SECTM1: variants seen among roughly 807,000 people sequenced by gnomAD.
The protein encoded by SECTM1 is secreted and transmembrane protein 1.
In SECTM1, 10 loss-of-function variants were observed where a neutral mutation model predicts 18.1. The ratio of observed to expected loss-of-function variants is 0.55; its 90% CI spans 0.34 to 0.94. SECTM1 has a LOEUF of 0.94. Ranked by LOEUF, SECTM1 falls within the 40% of genes least tolerant of loss-of-function variation. SECTM1 has a pLI of 0.02. For missense variants in SECTM1, 297 were observed against 322.6 expected (o/e 0.92, Z 0.61); for synonymous variants, 137 against 139.2 (o/e 0.98, Z 0.11).
chr17:82,326,348 C>G lies in SECTM1; in HGVS notation c.94+799G>C, dbSNP rs1482877834. On this transcript the variant is annotated intron_variant, in intron 2 of 4. Coordinates refer to ENST00000269389, the MANE Select transcript of SECTM1 (RefSeq NM_003004.3). This position sits in a 1 kb window ranked among gnomAD's most constrained non-coding sequence, Gnocchi z 4.3. Reference sequence around the variant, plus strand: ...GGCTCAGTGGCTCACGCCTGTAATCCCAGCACTTTGGGAGGCCGAGGTGGG... The same window carrying G: ...GGCTCAGTGGCTCACGCCTGTAATCGCAGCACTTTGGGAGGCCGAGGTGGG... Among the ~76,000 whole-genome samples, 1 of 152,094 alleles carries G rather than the reference C, an allele frequency of 6.6e-6. No individual in the cohort carries two copies. Among genetic ancestry groups the G allele is most frequent in the Non-Finnish European group, 1.5e-5 (1 of 68,022 alleles).
At chr17:82,327,363 C>A in intron 1 of SECTM1, 71 bp from the exon 2 acceptor site, 1 of 883,574 alleles carries the variant, frequency 1.1e-6, no homozygotes, top group African/African-American at 1.7e-5. Flanking sequence ...GCGGCTGTCA[C>A]CTGGCGGGGG....
chr17:82,324,733 G>A lies in SECTM1; in HGVS notation c.252C>T (p.Gly84=), dbSNP rs1281122727. 6.2e-7 allele frequency: 1 copy of A among 1,614,172 alleles called. No homozygotes were observed. The highest frequency in any genetic ancestry group is 8.5e-7 in the Non-Finnish European group (1 of 1,180,032). ...GCTGCCAGCCGTCCCGGGAGAAGTA[G>A]CCTGGAGCCACCTCATTGAAGATGG... is the stretch of plus-strand genomic sequence containing the variant. ...ESAIFNEVAP[G]YFSRDGWQLQ... Residue 84 remains glycine, a synonymous_variant, in exon 3 of 5, where the codon GGC becomes GGT. Transcript: ENST00000269389.
At chr17:82,323,226 G>C in intron 3 of SECTM1, 2 of 578,228 alleles carry the variant, frequency 3.5e-6, no homozygotes, top group Non-Finnish European at 6.1e-6. Flanking sequence ...CCAGAGCGCA[G>C]GTGTGTCGGG....
chr17:82,333,521 C>T (rs765676566), intron 1 of SECTM1, among the ~76,000 whole-genome samples, 179 bp downstream of exon 1: 3 of 152,102 alleles, frequency 2.0e-5, no homozygotes, highest in Admixed American at 6.5e-5. Context: ...CCAGAGTCCC[C>T]ATCCCTGCGC....
chr17:82,333,186 G>C (rs2052205754), intron 1 of SECTM1, among the ~76,000 whole-genome samples: 1 of 152,252 alleles, frequency 6.6e-6, no homozygotes, highest in Non-Finnish European at 1.5e-5. Context: ...CCACCAGCTT[G>C]TGTGCACGCA....
intron 1 of SECTM1, among the ~76,000 whole-genome samples, chr17:82,333,332 C>T (rs2052207369): frequency 6.6e-6 from 1 of 152,180 alleles, no homozygotes. Flanking sequence ...GAGACGCCGC[C>T]TCTGTCCCTT....
In SECTM1 at chr17:82,327,274, C is replaced by A; in HGVS notation, c.-34G>T. The A allele has an allele frequency of 6.4e-7, 1 of 1,557,188 alleles. No individual in the cohort carries two copies. The highest frequency in any genetic ancestry group is 2.3e-5 in the East Asian group (1 of 43,014). Reference sequence around the variant, plus strand: ...GGACTTGGGCCCCTGGTCCTTGTCACTGGCTCTTGAAACACTCCCTGGAGG... The same window carrying A: ...GGACTTGGGCCCCTGGTCCTTGTCAATGGCTCTTGAAACACTCCCTGGAGG... On this transcript the variant is annotated 5_prime_UTR_variant, in exon 2 of 5. Transcript: ENST00000269389.
Position 82,321,395 on chromosome 17 carries a change from C to T in SECTM1, c.*766G>A, listed in dbSNP as rs1599650827. 1 of 152,288 alleles carries T rather than the reference C, an allele frequency of 6.6e-6. No individual in the cohort carries two copies. The highest frequency in any genetic ancestry group is 2.4e-5 in the African/African-American group (1 of 41,468). 9.4% of individuals were successfully genotyped at this position (152,288 alleles called of 1,614,324 possible). ...GGGGATTCCCGGTGATTTTTCCACC[C>T]CATACAGATGAAGACATCAAAGGGC... On this transcript the variant is annotated 3_prime_UTR_variant, in exon 5 of 5. Transcript: ENST00000269389.
In SECTM1 at chr17:82,321,077, C is replaced by G. The variant is rs2052082582; in HGVS notation, c.*1084G>C. The G allele has an allele frequency of 6.6e-6, 1 of 152,126 alleles. No individual in the cohort carries two copies. Among genetic ancestry groups the G allele is most frequent in the Admixed American group, 6.5e-5 (1 of 15,276 alleles). 9.4% of individuals were successfully genotyped at this position (152,126 alleles called of 1,614,324 possible). A position where few individuals can be genotyped will look rare whatever the true frequency, so the allele number is the denominator to read the frequency against. On this transcript the variant is annotated 3_prime_UTR_variant, in exon 5 of 5. Coordinates refer to ENST00000269389, the MANE Select transcript of SECTM1 (RefSeq NM_003004.3). The stretch of plus-strand genomic sequence containing the variant: ...TTTTAACCCGAGACACAAACGCGCC[C>G]CTCTTGGACCCTGGCTCCGGCCCGA...
At chr17:82,324,534 TG>T in intron 3 of SECTM1, 47 bp downstream of exon 3, 2 of 171,008 alleles carry the variant, frequency 1.2e-5, no homozygotes, top group South Asian at 7.8e-5. Context: ...CCCCTCCCCG[TG>T]TCCCCTCTCA....
upstream of SECTM1, chr17:82,333,919 C>A (rs2052214805): frequency 6.6e-6 from 1 of 152,282 alleles, no homozygotes; most frequent in Admixed American, 6.5e-5. Context: ...ATTATTTTCA[C>A]GGGAGGCACC....
At position 82,322,956 on chromosome 17, in the gene SECTM1, G is replaced by C; in HGVS notation, c.459C>G (p.Val153=). Residue 153 remains valine (V), a synonymous_variant, in exon 4 of 5, where the codon GTC becomes GTG. Transcript: ENST00000269389. ...CGACCAAGAGGATGAAGACAGCAGT[G>C]ACCACCGCTGGCACAGGCCAGAACC... ...DTGFWPVPAV[V]TAVFILLVAL... is the part of the protein sequence containing the mutation. The C allele has an allele frequency of 6.2e-7, 1 of 1,613,906 alleles. No homozygotes were observed. The highest frequency in any genetic ancestry group is 8.5e-7 in the Non-Finnish European group (1 of 1,179,966).
At position 82,330,431 on chromosome 17, in the gene SECTM1, G is replaced by A. The variant is rs913747009; in HGVS notation, c.-52-3139C>T. Among the ~76,000 whole-genome samples, 2 of 152,122 alleles carry A rather than the reference G, an allele frequency of 1.3e-5. No individual in the cohort carries two copies. The highest frequency in any genetic ancestry group is 2.9e-5 in the Non-Finnish European group (2 of 67,994). On this transcript the variant is annotated intron_variant, in intron 1 of 4. Transcript: ENST00000269389. This position sits in a 1 kb window ranked among gnomAD's most constrained non-coding sequence, Gnocchi z 6.1. ...CCCCAGAGAGCCCCGACAGCGCTGC[G>A]TCCACCCCACCTGCCCACCCAGGTG...
intron 1 of SECTM1, among the ~76,000 whole-genome samples, chr17:82,332,705 G>A (rs8079688): frequency 0.36 from 55,143 of 152,128 alleles, 12,433 homozygotes; most frequent in East Asian, 0.55. Flanking sequence ...GGGACCCCAG[G>A]TGAGCAGCAA....
chr17:82,322,585 C>A (rs1479684101), intron 4 of SECTM1, among the ~76,000 whole-genome samples: 1 of 152,184 alleles, frequency 6.6e-6, no homozygotes, highest in Non-Finnish European at 1.5e-5. Flanking sequence ...CTCAGAAACT[C>A]CAAGTTCCGT....
At chr17:82,323,847 C>A (rs979576361) in intron 3 of SECTM1, among the ~76,000 whole-genome samples, 3 of 147,664 alleles carry the variant, frequency 2.0e-5, no homozygotes, top group Non-Finnish European at 4.5e-5. Context: ...AGTGGGGCAG[C>A]GAGCATCCCC....
At chr17:82,327,801 C>T (rs1170896375) in intron 1 of SECTM1, among the ~76,000 whole-genome samples, 2 of 152,212 alleles carry the variant, frequency 1.3e-5, no homozygotes, top group African/African-American at 2.4e-5. Flanking sequence ...ATTCTTGGAG[C>T]GTGTCTGTCT....
Position 82,330,018 on chromosome 17 carries a change from A to AC in SECTM1, c.-52-2727dup, listed in dbSNP as rs1309008788. Among the ~76,000 whole-genome samples, 1 of 151,586 alleles carries AC rather than the reference A, an allele frequency of 6.6e-6. No individual in the cohort carries two copies. Among genetic ancestry groups the AC allele is most frequent in the African/African-American group, 2.4e-5 (1 of 41,206 alleles). ...TTGGGGACTGGTAGCCGACCACAGA[A>AC]CCCCCACCCCCAGTGCGGTGGGAGA... On this transcript the variant is annotated intron_variant, in intron 1 of 4. Transcript: ENST00000269389. This position sits in a 1 kb window ranked among gnomAD's most constrained non-coding sequence, Gnocchi z 6.1.
chr17:82,326,591 G>A lies in SECTM1; in HGVS notation c.94+556C>T, dbSNP rs536921901. ...TCCAGCCTGGGCGTCCAGCCTGGGC[G>A]ATAGAGGTAGAACCCGTCTCAAAAA... On this transcript the variant is annotated intron_variant, in intron 2 of 4. Transcript: ENST00000269389. This position sits in a 1 kb window ranked among gnomAD's most constrained non-coding sequence, Gnocchi z 4.3. 7.3e-5 allele frequency among the ~76,000 whole-genome samples: 11 copies of A among 151,322 alleles called. No homozygotes were observed. Among genetic ancestry groups the A allele is most frequent in the African/African-American group, 2.2e-4 (9 of 41,164 alleles).
Sources: gnomAD v4.1 joint callset for allele counts (sites outside exome capture counted in the v4.1 genomes callset) on GRCh38, gnomAD v4.1.1 for gene constraint, Gnocchi (gnomAD v3.1) non-coding constraint, MANE v1.5 for transcripts, NCBI Gene and HGNC (gene_info 2026-07-23, HGNC 2026-07-21) for gene names.